The following SATL1 variants were observed in gnomAD, a reference collection of about 807,000 sequenced individuals.
The protein encoded by SATL1 is spermidine/spermine N(1)-acetyltransferase-like protein 1.
SATL1 carries 47 observed loss-of-function variants against 51.8 expected under a neutral mutation model. The observed-to-expected ratio is 0.91, with a 90% CI of 0.72 to 1.16. The LOEUF is 1.16. Among genes scored for constraint, SATL1 ranks in the 50% most tolerant of loss-of-function variants. The pLI, the probability that SATL1 is intolerant of heterozygous loss-of-function variation, is 0.00. For missense variants in SATL1, 520 were observed against 526.4 expected, an observed-to-expected ratio of 0.99 and a Z score of 0.12; for synonymous variants, 176 against 182.4, an observed-to-expected ratio of 0.97 and a Z score of 0.28.
At chrX:85,197,421 TA>T (rs996779136) in intron 2 of SATL1, among the ~76,000 whole-genome samples, 6 of 111,286 alleles carry the variant, frequency 5.4e-5, no homozygotes, top group African/African-American at 2.0e-4. Flanking sequence ...AAAAGTACAA[TA>T]AATGATTGTT....
intron 2 of SATL1, among the ~76,000 whole-genome samples, chrX:85,172,281 A>C (rs1470588022): frequency 9.0e-6 from 1 of 111,579 alleles, no homozygotes; most frequent in African/African-American, 3.2e-5. Context: ...ACATTTATTT[A>C]AAAATGTTTA....
In SATL1 at chrX:85,108,517, G is replaced by T; in HGVS notation, c.452C>A (p.Pro151Gln). The T allele has an allele frequency of 1.7e-6, 2 of 1,211,490 alleles. No homozygotes were observed. Among genetic ancestry groups the T allele is most frequent in the Non-Finnish European group, 2.2e-6 (2 of 895,339 alleles). ...QLDSQSGGSQ[P>Q]SMRQVGTSQL... ...GCTGGTGCCTACTTGTCTCATGCTT[G>T]GTTGGCTCCCACCTGACTGGCTGTC... Residue 151 changes from proline (P) to glutamine (Q), a missense_variant, in exon 3 of 8, where the codon CCA becomes CAA. This residue lies in a region of SATL1 where 488 missense variants were observed against 474.3 expected (regional missense o/e 1.03). Transcript: ENST00000644105.
intron 4 of SATL1, among the ~76,000 whole-genome samples, chrX:85,102,497 G>T (rs915262382): frequency 9.9e-5 from 11 of 111,463 alleles, no homozygotes; most frequent in Non-Finnish European, 1.9e-4. Context: ...ATAGGTAAGA[G>T]TAAACAAAAA....
At chrX:85,106,955 T>A (rs1194783952) in intron 3 of SATL1, among the ~76,000 whole-genome samples, 1 of 111,599 alleles carries the variant, frequency 9.0e-6, no homozygotes, top group Non-Finnish European at 1.9e-5. Flanking sequence ...GTGGGTCATT[T>A]GTTTAAGGTA....
At chrX:85,191,587 C>T (rs1208816029) in intron 2 of SATL1, among the ~76,000 whole-genome samples, 1 of 111,734 alleles carries the variant, frequency 8.9e-6, no homozygotes, top group African/African-American at 3.3e-5. Context: ...AGAAGCCTTA[C>T]TGATAACATA....
At chrX:85,181,097 A>ATG (rs56714701) in intron 2 of SATL1, among the ~76,000 whole-genome samples, 6,469 of 102,607 alleles carry the variant, frequency 0.063, 406 homozygotes, top group African/African-American at 0.18. Flanking sequence ...GCTGAATGTA[A>ATG]TGTGTGTGTG....
intron 2 of SATL1, among the ~76,000 whole-genome samples, chrX:85,193,541 C>T (rs1927486909): frequency 9.0e-6 from 1 of 111,572 alleles, no homozygotes; most frequent in African/African-American, 3.3e-5. Context: ...ATTTTAGGTT[C>T]AGAGGTACCT....
intron 2 of SATL1, among the ~76,000 whole-genome samples, chrX:85,136,288 G>A (rs939744426): frequency 8.1e-5 from 9 of 111,327 alleles, no homozygotes; most frequent in African/African-American, 2.9e-4. Flanking sequence ...ATCTACACTG[G>A]AGATAGATTT....
At chrX:85,103,549 T>G (rs1490956746) in intron 4 of SATL1, among the ~76,000 whole-genome samples, 1 of 112,081 alleles carries the variant, frequency 8.9e-6, no homozygotes, top group African/African-American at 3.2e-5. Flanking sequence ...TTTTATCAAT[T>G]TCCTTGTATC....
rs139765588 is a variant in SATL1 at position 85,215,111 on chromosome X, C to T, written c.-313+9094G>A. Among the ~76,000 whole-genome samples the T allele has an allele frequency of 5.8e-4, 65 of 111,919 alleles. 1 individual carries two copies. The East Asian group carries it at 0.017, about 29-fold the overall frequency. On this transcript the variant is annotated intron_variant, in intron 2 of 7. Transcript: ENST00000644105. ...ATTCTGAGCACCTGTGGATATAACACCATATGCATGCCACCAAGGCTTACA... is the reference window on the plus strand; with the variant it reads ...ATTCTGAGCACCTGTGGATATAACATCATATGCATGCCACCAAGGCTTACA...
At chrX:85,228,181 A>T (rs971088210) in intron 1 of SATL1, among the ~76,000 whole-genome samples, 2 of 111,243 alleles carry the variant, frequency 1.8e-5, no homozygotes, top group African/African-American at 6.5e-5. Context: ...GCATCAGAAG[A>T]TAACTTCCAA....
chrX:85,213,471 T>C (rs182730031), intron 2 of SATL1, among the ~76,000 whole-genome samples: 7 of 112,182 alleles, frequency 6.2e-5, no homozygotes, highest in Non-Finnish European at 1.1e-4. Flanking sequence ...ATTTTCTTGA[T>C]AAGTGCAATG....
At position 85,164,302 on chromosome X, in the gene SATL1, T is replaced by A. The variant is rs372225199; in HGVS notation, c.-312-55022A>T. ...TGCTAGTTGTTGCCTGATTACCTTG[T>A]TTTTTTATTGTGTTATTATTTTATA... On this transcript the variant is annotated intron_variant, in intron 2 of 7. Coordinates refer to ENST00000644105, the MANE Select transcript of SATL1 (RefSeq NM_001367857.2). Among the ~76,000 whole-genome samples, 15 of 111,590 alleles carry A rather than the reference T, an allele frequency of 1.3e-4. No homozygotes were observed. The East Asian group carries it at 3.4e-3, about 25-fold the overall frequency.
intron 1 of SATL1, among the ~76,000 whole-genome samples, chrX:85,228,228 C>T (rs1406321265): frequency 9.0e-6 from 1 of 111,123 alleles, no homozygotes; most frequent in Admixed American, 9.5e-5. Flanking sequence ...TATCCTGCCT[C>T]TGCTCTTGTC....
intron 2 of SATL1, among the ~76,000 whole-genome samples, chrX:85,151,851 A>G (rs758690402): frequency 8.9e-6 from 1 of 111,947 alleles, no homozygotes; most frequent in African/African-American, 3.2e-5. Flanking sequence ...TAGACCTAAA[A>G]CCATAAAAAC....
chrX:85,160,844 T>G (rs1926702357), intron 2 of SATL1, among the ~76,000 whole-genome samples: 1 of 110,667 alleles, frequency 9.0e-6, no homozygotes, highest in Non-Finnish European at 1.9e-5. Flanking sequence ...AGTAAGTTAC[T>G]TCACAAGATC....
At chrX:85,198,962 C>T (rs773967726) in intron 2 of SATL1, among the ~76,000 whole-genome samples, 15 of 109,400 alleles carry the variant, frequency 1.4e-4, no homozygotes, top group Non-Finnish European at 2.5e-4. Flanking sequence ...CCTCAGCCTC[C>T]AAGTAGCTAG....
intron 2 of SATL1, among the ~76,000 whole-genome samples, chrX:85,156,845 A>C (rs1926604734): frequency 2.9e-5 from 1 of 34,224 alleles, no homozygotes; most frequent in African/African-American, 9.0e-5. Flanking sequence ...ATATATATAT[A>C]TATATATATA....
intron 2 of SATL1, among the ~76,000 whole-genome samples, chrX:85,165,389 G>A (rs1419713623): frequency 9.1e-6 from 1 of 110,036 alleles, no homozygotes; most frequent in Non-Finnish European, 1.9e-5. Context: ...ATTTCCAGAA[G>A]CTGTGATTTT....
Sources: allele counts gnomAD v4.1 joint callset (sites outside exome capture counted in the v4.1 genomes callset), GRCh38; gene constraint gnomAD v4.1.1; regional missense constraint gnomAD v4.1.1; transcripts MANE v1.5; gene names NCBI Gene and HGNC (gene_info 2026-07-23, HGNC 2026-07-21).